USP46: variants seen among roughly 807,000 people sequenced by gnomAD.
USP46 encodes ubiquitin specific peptidase 46.
USP46 carries 12 observed loss-of-function variants against 44.4 expected under a neutral mutation model. That is an observed-to-expected ratio of 0.27 (90% CI 0.17 to 0.44). USP46 has a LOEUF of 0.44. Among genes scored for constraint, USP46 ranks in the 20% least tolerant of loss-of-function variants. The pLI, the probability that USP46 is intolerant of heterozygous loss-of-function variation, is 1.00. For synonymous variants in USP46, 155 were observed against 161.5 expected (o/e 0.96, Z 0.31); for missense variants, 248 against 444.8 (o/e 0.56, Z 3.98).
chr4:52,653,589 C>G (rs1718849209), intron 1 of USP46, among the ~76,000 whole-genome samples: 2 of 150,014 alleles, frequency 1.3e-5, no homozygotes, highest in South Asian at 4.3e-4. Flanking sequence ...ACCCTTAGAT[C>G]AGCATTTGGT....
chr4:52,603,717 C>T (rs1028098864), intron 6 of USP46, among the ~76,000 whole-genome samples: 3 of 152,140 alleles, frequency 2.0e-5, no homozygotes, highest in Non-Finnish European at 4.4e-5. Flanking sequence ...CAGAGTCTCA[C>T]TCTGTCACCC....
At chr4:52,608,365 G>T (rs1716782257) in intron 5 of USP46, among the ~76,000 whole-genome samples, 1 of 152,132 alleles carries the variant, frequency 6.6e-6, no homozygotes, top group Non-Finnish European at 1.5e-5. Flanking sequence ...AATGCTTCCC[G>T]ATAATTTCCA....
intron 1 of USP46, among the ~76,000 whole-genome samples, chr4:52,636,874 A>C (rs750816131): frequency 6.6e-6 from 1 of 150,736 alleles, no homozygotes; most frequent in Non-Finnish European, 1.5e-5. Context: ...CATGGGTGTG[A>C]TCTTGGCTCA....
rs1716202166 is a variant in USP46, at chr4:52,595,643, T to A, written c.*1997A>T. 6.6e-6 allele frequency: 1 copy of A among 152,222 alleles called. No homozygotes were observed. Among genetic ancestry groups the A allele is most frequent in the South Asian group, 2.1e-4 (1 of 4,832 alleles). The allele number at this position is 152,222 out of a possible 1,614,324, so 9.4% of individuals were successfully genotyped here. A position where few individuals can be genotyped will look rare whatever the true frequency, so the allele number is the denominator to read the frequency against. ...TGACTTAGCATTTAAACATTACTTC[T>A]ACAGCCTTCCAACTGAAATATTTTT... is the stretch of plus-strand genomic sequence containing the variant. On this transcript the variant is annotated 3_prime_UTR_variant, in exon 9 of 9. Coordinates refer to ENST00000441222, the MANE Select transcript of USP46 (RefSeq NM_022832.4).
chr4:52,658,123 G>A (rs1211542763), intron 1 of USP46: 4 of 442,814 alleles, frequency 9.0e-6, no homozygotes, highest in Non-Finnish European at 1.8e-5. Context: ...GGGGCTAGAG[G>A]GGAGGCGGGG....
intron 1 of USP46, among the ~76,000 whole-genome samples, chr4:52,634,335 C>T (rs950480912): frequency 6.6e-6 from 1 of 150,400 alleles, no homozygotes; most frequent in African/African-American, 2.4e-5. Context: ...ATGGTAAAAC[C>T]CTGTCTCTAC....
intron 1 of USP46, among the ~76,000 whole-genome samples, chr4:52,641,417 G>T (rs1240210434): frequency 6.6e-6 from 1 of 152,146 alleles, no homozygotes; most frequent in East Asian, 1.9e-4. Context: ...CTGCCAAGGG[G>T]TGCTACCAAA....
At chr4:52,645,224 C>CAAAAAAA (rs74266163) in intron 1 of USP46, among the ~76,000 whole-genome samples, 1 of 79,830 alleles carries the variant, frequency 1.3e-5, no homozygotes, top group African/African-American at 4.2e-5. Flanking sequence ...GACTCTATCT[C>CAAAAAAA]AAAAAAAAAA....
At chr4:52,645,714 C>A (rs1198446738) in intron 1 of USP46, among the ~76,000 whole-genome samples, 1 of 152,128 alleles carries the variant, frequency 6.6e-6, no homozygotes, top group Non-Finnish European at 1.5e-5. Context: ...CTTGCAAAAT[C>A]CTAGGTCAAA....
intron 1 of USP46, among the ~76,000 whole-genome samples, chr4:52,638,146 G>C (rs1464335248): frequency 6.6e-6 from 1 of 152,192 alleles, no homozygotes; most frequent in Non-Finnish European, 1.5e-5. Context: ...GAGATGGGGA[G>C]ATTATCTTGG....
intron 1 of USP46, among the ~76,000 whole-genome samples, chr4:52,638,429 C>T (rs931979022): frequency 6.6e-6 from 1 of 151,970 alleles, no homozygotes; most frequent in African/African-American, 2.4e-5. Context: ...CTTGTGACCT[C>T]CAGAACTGTA....
rs1490561131 is a variant in USP46, at chr4:52,596,468, G to C, written c.*1172C>G. 1 of 152,154 alleles carries C rather than the reference G, an allele frequency of 6.6e-6. No homozygotes were observed. The highest frequency in any genetic ancestry group is 1.5e-5 in the Non-Finnish European group (1 of 68,034). 9.4% of individuals were successfully genotyped at this position (152,154 alleles called of 1,614,324 possible). On this transcript the variant is annotated 3_prime_UTR_variant, in exon 9 of 9. Transcript: ENST00000441222. ...GGTTCTTCCAAAAAAATTCTGTCTT[G>C]TCAAGCATTCTAGGAGTCTGAGCCA...
intron 4 of USP46, among the ~76,000 whole-genome samples, chr4:52,615,985 T>C (rs1276874185): frequency 6.6e-6 from 1 of 152,228 alleles, no homozygotes; most frequent in Non-Finnish European, 1.5e-5. Context: ...TCTCAGCAAC[T>C]GGTAGAAAAG....
chr4:52,624,504 T>A (rs533028205), intron 4 of USP46, among the ~76,000 whole-genome samples: 3 of 152,372 alleles, frequency 2.0e-5, no homozygotes, highest in African/African-American at 7.2e-5. Context: ...TCATTGCTTC[T>A]ACAATGGGTA....
chr4:52,632,999 AAAGAAAG>A (rs1560406304), intron 1 of USP46, among the ~76,000 whole-genome samples: 75 of 125,122 alleles, frequency 6.0e-4, no homozygotes, highest in East Asian at 3.0e-3. Context: ...GAAAAGAAAG[AAAGAAAG>A]AAAGAAAGAA....
chr4:52,647,263 A>G (rs1303674532), intron 1 of USP46, among the ~76,000 whole-genome samples: 1 of 152,238 alleles, frequency 6.6e-6, no homozygotes, highest in Non-Finnish European at 1.5e-5. Flanking sequence ...TTTAAAAACT[A>G]AGAGAGAAAT....
intron 1 of USP46, among the ~76,000 whole-genome samples, chr4:52,647,255 T>C (rs186941789): frequency 6.6e-6 from 1 of 152,182 alleles, no homozygotes; most frequent in Admixed American, 6.5e-5. Context: ...TTTGTGTTTT[T>C]AAAAACTAAG....
chr4:52,625,777 G>T (rs575599850), intron 4 of USP46, among the ~76,000 whole-genome samples: 41 of 152,262 alleles, frequency 2.7e-4, no homozygotes, highest in African/African-American at 8.9e-4. Flanking sequence ...TTTCCCCATG[G>T]TGTAAAGCAA....
intron 4 of USP46, among the ~76,000 whole-genome samples, chr4:52,621,789 C>G (rs917536491): frequency 1.6e-4 from 25 of 152,290 alleles, no homozygotes; most frequent in Non-Finnish European, 3.2e-4. Context: ...AAAGGATACC[C>G]CAGAGAGAAT....
Sources: gnomAD v4.1 joint callset for allele counts (sites outside exome capture counted in the v4.1 genomes callset) on GRCh38, gnomAD v4.1.1 for gene constraint, MANE v1.5 for transcripts, NCBI Gene and HGNC (gene_info 2026-07-23, HGNC 2026-07-21) for gene names.